VRK2: variants seen among roughly 807,000 people sequenced by gnomAD.
The protein encoded by VRK2 is VRK serine/threonine kinase 2.
Under a neutral mutation model 57.6 loss-of-function variants are expected in VRK2, and 60 were observed. That is an observed-to-expected ratio of 1.04 (90% confidence interval 0.85 to 1.29). The LOEUF is 1.29. Among genes scored for constraint, VRK2 ranks in the 50% most tolerant of loss-of-function variants. The pLI is 0.00. For missense variants in VRK2, 705 were observed against 588.1 expected, an observed-to-expected ratio of 1.20 and a Z score of -2.06; for synonymous variants, 231 against 199.2, an observed-to-expected ratio of 1.16 and a Z score of -1.35.
intron 7 of VRK2, among the ~76,000 whole-genome samples, chr2:58,099,685 G>A (rs1000342102): frequency 6.6e-6 from 1 of 152,032 alleles, no homozygotes; most frequent in Non-Finnish European, 1.5e-5. Context: ...ATGTCAACAT[G>A]TGAATGTTAG....
intron 1 of VRK2, among the ~76,000 whole-genome samples, chr2:57,912,287 C>A (rs1670010645): frequency 1.3e-5 from 2 of 152,172 alleles, no homozygotes; most frequent in African/African-American, 4.8e-5. Context: ...TTAATTCAGA[C>A]ATCTGGGTTC....
intron 1 of VRK2, among the ~76,000 whole-genome samples, chr2:57,963,342 T>C (rs1187226603): frequency 6.6e-6 from 1 of 152,216 alleles, no homozygotes; most frequent in South Asian, 2.1e-4. Flanking sequence ...AAAAGCATAT[T>C]TTCAAGATGT....
intron 12 of VRK2, chr2:58,147,255 T>C (rs949792227): frequency 4.0e-5 from 20 of 499,782 alleles, no homozygotes; most frequent in African/African-American, 1.8e-4. Flanking sequence ...ATAGTACTTA[T>C]GCATTCTTCA....
intron 1 of VRK2, among the ~76,000 whole-genome samples, chr2:57,987,055 T>C (rs1672618189): frequency 6.6e-6 from 1 of 151,960 alleles, no homozygotes. Flanking sequence ...AAAAATTAAA[T>C]CCAAACGGAT....
chr2:57,922,804 G>C (rs1408274159), intron 1 of VRK2, among the ~76,000 whole-genome samples: 1 of 151,576 alleles, frequency 6.6e-6, no homozygotes, highest in Admixed American at 6.6e-5. Flanking sequence ...GTCGATTATA[G>C]GTACCCTGTT....
chr2:58,047,381 C>T (rs1674985283), intron 1 of VRK2: 2 of 983,250 alleles, frequency 2.0e-6, no homozygotes, highest in Non-Finnish European at 2.4e-6. Context: ...GGGAAGGTAC[C>T]CAGAAGCCGA....
At chr2:58,024,524 C>T (rs796652877) in intron 1 of VRK2, among the ~76,000 whole-genome samples, 30 of 152,146 alleles carry the variant, frequency 2.0e-4, no homozygotes, top group African/African-American at 7.0e-4. Flanking sequence ...GAAGAAACTC[C>T]CACTGGCTTT....
At chr2:58,060,451 T>C (rs1186960968) in intron 2 of VRK2, among the ~76,000 whole-genome samples, 4 of 151,794 alleles carry the variant, frequency 2.6e-5, no homozygotes, top group African/African-American at 9.7e-5. Context: ...AATTTATAAA[T>C]GATCTGTTGA....
chr2:57,961,484 A>C (rs898453061), intron 1 of VRK2, among the ~76,000 whole-genome samples: 6 of 152,200 alleles, frequency 3.9e-5, no homozygotes, highest in African/African-American at 1.4e-4. Flanking sequence ...GACAAGTCAC[A>C]CAGCTAGGAA....
At chr2:58,084,033 T>C in intron 2 of VRK2, 56 bp from the exon 3 acceptor site, 1 of 1,577,302 alleles carries the variant, frequency 6.3e-7, no homozygotes, top group East Asian at 2.3e-5. Context: ...ATATGGTAGG[T>C]ATTCAGTAAT....
intron 1 of VRK2, among the ~76,000 whole-genome samples, chr2:57,955,496 C>T (rs1671558124): frequency 6.6e-6 from 1 of 152,066 alleles, no homozygotes; most frequent in African/African-American, 2.4e-5. Flanking sequence ...GCTGAATTTT[C>T]AAAGATATAA....
intron 1 of VRK2, among the ~76,000 whole-genome samples, chr2:57,922,072 C>A (rs968081118): frequency 1.3e-5 from 2 of 151,940 alleles, no homozygotes; most frequent in African/African-American, 4.8e-5. Flanking sequence ...TACAATACAA[C>A]CCAATTAGCT....
intron 1 of VRK2, among the ~76,000 whole-genome samples, chr2:58,002,771 T>C (rs1673129310): frequency 6.6e-6 from 1 of 152,178 alleles, no homozygotes; most frequent in African/African-American, 2.4e-5. Context: ...AATATAAAGT[T>C]TGTAAATGTA....
At chr2:58,015,727 T>A in intron 1 of VRK2, among the ~76,000 whole-genome samples, 1 of 152,308 alleles carries the variant, frequency 6.6e-6, no homozygotes, top group Non-Finnish European at 1.5e-5. Flanking sequence ...GAATTTTTTT[T>A]TGGCTAAAAT....
chr2:58,102,989 G>C (rs1674219502), intron 7 of VRK2, among the ~76,000 whole-genome samples: 1 of 151,522 alleles, frequency 6.6e-6, no homozygotes, highest in Non-Finnish European at 1.5e-5. Context: ...GCTGATCTTT[G>C]GATCAATGAT....
chr2:57,940,431 C>T (rs1425884395), intron 1 of VRK2, among the ~76,000 whole-genome samples: 1 of 152,278 alleles, frequency 6.6e-6, no homozygotes, highest in Non-Finnish European at 1.5e-5. Flanking sequence ...ATCTGCTTTA[C>T]TGAGTCCACT....
chr2:57,994,279 G>A (rs1204586611), intron 1 of VRK2, among the ~76,000 whole-genome samples: 2 of 152,258 alleles, frequency 1.3e-5, no homozygotes, highest in East Asian at 3.9e-4. Flanking sequence ...CTTTACTAAT[G>A]GAGAGGGAAA....
chr2:58,153,044 C>T (rs904265335), intron 12 of VRK2, among the ~76,000 whole-genome samples: 2 of 151,952 alleles, frequency 1.3e-5, no homozygotes, highest in African/African-American at 2.4e-5. Context: ...AGGAATTGCT[C>T]ATGCTATAGT....
At chr2:58,150,535 A>T (rs1682845495) in intron 12 of VRK2, among the ~76,000 whole-genome samples, 1 of 147,414 alleles carries the variant, frequency 6.8e-6, no homozygotes, top group Non-Finnish European at 1.5e-5. Flanking sequence ...GATCTTCTCA[A>T]AGACCAGCTT....
Sources: allele counts gnomAD v4.1 joint callset (sites outside exome capture counted in the v4.1 genomes callset), GRCh38; gene constraint gnomAD v4.1.1; transcripts MANE v1.5; gene names NCBI Gene and HGNC (gene_info 2026-07-23, HGNC 2026-07-21).